The following RBMS3 variants were observed in gnomAD, a reference collection of about 807,000 sequenced individuals.
RBMS3 encodes RNA binding motif single stranded interacting protein 3.
In RBMS3, 27 loss-of-function variants were observed where a neutral mutation model predicts 66.8. The observed-to-expected ratio is 0.40, with a 90% confidence interval of 0.30 to 0.56. The LOEUF is 0.56. Ranked by LOEUF, RBMS3 falls within the 20% of genes least tolerant of loss-of-function variation. RBMS3 has a pLI of 0.40. For missense variants in RBMS3, 513 were observed against 549.5 expected (o/e 0.93, Z 0.66); for synonymous variants, 188 against 183.0 (o/e 1.03, Z -0.22).
At chr3:29,850,939 G>A (rs1334206642) in intron 6 of RBMS3, among the ~76,000 whole-genome samples, 2 of 152,160 alleles carry the variant, frequency 1.3e-5, no homozygotes, top group East Asian at 3.9e-4. Flanking sequence ...TTTTTCCAAA[G>A]AGCTGAGTAC....
chr3:29,806,676 C>T (rs771355958), intron 6 of RBMS3, among the ~76,000 whole-genome samples: 26 of 151,828 alleles, frequency 1.7e-4, no homozygotes, highest in Non-Finnish European at 3.1e-4. Flanking sequence ...TCATAGAATC[C>T]GGCCTATTAT....
At chr3:29,522,076 A>G (rs972884812) in intron 3 of RBMS3, among the ~76,000 whole-genome samples, 1 of 152,246 alleles carries the variant, frequency 6.6e-6, no homozygotes, top group African/African-American at 2.4e-5. Flanking sequence ...AAATGGAAAC[A>G]CATCTAGGCA....
rs11920040 is a variant in RBMS3, at chr3:29,770,065, G to T, written c.637+7076G>T. ...AGGACCTAATTGTAGTTTCTTTAAA[G>T]AACTCATTCTTGAACAGTGCAATGA... On this transcript the variant is annotated intron_variant, in intron 6 of 14. Transcript: ENST00000383767. Among the ~76,000 whole-genome samples, 702 of 151,932 alleles carry T rather than the reference G, an allele frequency of 4.6e-3. 4 individuals carry two copies. The highest frequency in any genetic ancestry group is 0.016 in the African/African-American group (670 of 41,484).
intron 12 of RBMS3, among the ~76,000 whole-genome samples, chr3:29,979,953 T>A (rs1023487100): frequency 6.6e-5 from 10 of 152,218 alleles, no homozygotes; most frequent in African/African-American, 2.4e-4. Flanking sequence ...ATATACCCAG[T>A]AATGGGATTG....
At chr3:29,688,312 A>G (rs945362384) in intron 4 of RBMS3, among the ~76,000 whole-genome samples, 1 of 152,100 alleles carries the variant, frequency 6.6e-6, no homozygotes, top group Non-Finnish European at 1.5e-5. Flanking sequence ...TCCAAAAAAT[A>G]CTTATCGCAA....
chr3:29,527,154 G>A (rs1413942358), intron 3 of RBMS3, among the ~76,000 whole-genome samples: 1 of 129,810 alleles, frequency 7.7e-6, no homozygotes, highest in Non-Finnish European at 1.5e-5. Flanking sequence ...GTGACAATAG[G>A]GTTTCAGACG....
intron 10 of RBMS3, among the ~76,000 whole-genome samples, chr3:29,928,333 ATATAT>A (rs2061007160): frequency 7.7e-6 from 1 of 129,270 alleles, no homozygotes; most frequent in South Asian, 2.8e-4. Flanking sequence ...TTATTATGAA[ATATAT>A]TTGGTGGGTA....
At chr3:29,761,998 A>G (rs1020026710) in intron 5 of RBMS3, among the ~76,000 whole-genome samples, 2 of 152,152 alleles carry the variant, frequency 1.3e-5, no homozygotes, top group Non-Finnish European at 2.9e-5. Context: ...ATAAAATAAA[A>G]AAGGCCAGAT....
intron 6 of RBMS3, among the ~76,000 whole-genome samples, chr3:29,807,625 A>C (rs560175841): frequency 2.8e-4 from 43 of 152,050 alleles, no homozygotes; most frequent in African/African-American, 1.0e-3. Context: ...TGTACAATGC[A>C]GTACTACACA....
intron 6 of RBMS3, among the ~76,000 whole-genome samples, chr3:29,867,494 T>C (rs67914177): frequency 0.11 from 15,099 of 142,836 alleles, 885 homozygotes; most frequent in East Asian, 0.15. Flanking sequence ...GTGGCTGGCA[T>C]TGGATGATCT....
intron 6 of RBMS3, among the ~76,000 whole-genome samples, chr3:29,864,826 G>GGAA (rs748055973): frequency 3.4e-4 from 40 of 117,084 alleles, no homozygotes; most frequent in Non-Finnish European, 4.6e-4. Context: ...AAGGAAGGAA[G>GGAA]GGAAGGGAAG....
intron 12 of RBMS3, among the ~76,000 whole-genome samples, chr3:29,964,515 C>T (rs1054213507): frequency 1.3e-5 from 2 of 152,064 alleles, no homozygotes; most frequent in African/African-American, 4.8e-5. Flanking sequence ...ATTCTCTTCT[C>T]CCGGGCTTTT....
chr3:29,959,126 G>A (rs1696238254), intron 12 of RBMS3, among the ~76,000 whole-genome samples: 1 of 152,090 alleles, frequency 6.6e-6, no homozygotes, highest in Admixed American at 6.6e-5. Context: ...TTAAATCCCA[G>A]CTCTTGCATG....
chr3:29,384,435 T>TAATAATAATAATAAG lies in RBMS3; in HGVS notation c.76-50306_76-50305insTAATAATAATAAGAA, dbSNP rs776357215. Among the ~76,000 whole-genome samples, 295 of 141,096 alleles carry TAATAATAATAATAAG rather than the reference T, an allele frequency of 2.1e-3. 1 individual carries two copies. The highest frequency in any genetic ancestry group is 6.4e-3 in the African/African-American group (239 of 37,346). The allele number at this position is 141,096 out of a possible 152,430, so 92.6% of individuals were successfully genotyped here. Reference sequence around the variant, plus strand: ...TATACACCAATAATAATAATAATAATAAGAAGAAGAAGAAGAAGAAGAAGA... The same window carrying TAATAATAATAATAAG: ...TATACACCAATAATAATAATAATAATAATAATAATAATAAGAAGAAGAAGAAGAAGAAGAAGAAGA... On this transcript the variant is annotated intron_variant, in intron 1 of 14. Coordinates refer to ENST00000383767, the MANE Select transcript of RBMS3 (RefSeq NM_001003793.3).
chr3:29,855,041 T>A (rs1246057905), intron 6 of RBMS3, among the ~76,000 whole-genome samples: 1 of 152,208 alleles, frequency 6.6e-6, no homozygotes, highest in Non-Finnish European at 1.5e-5. Flanking sequence ...GTTTTGTGTC[T>A]TTCCATGGTT....
intron 2 of RBMS3, among the ~76,000 whole-genome samples, chr3:29,482,909 C>T (rs999427530): frequency 1.3e-4 from 19 of 151,272 alleles, no homozygotes; most frequent in Admixed American, 5.3e-4. Context: ...CGTTTCACCA[C>T]GTTGGTCAGG....
chr3:29,863,808 C>T (rs1016441468), intron 6 of RBMS3, among the ~76,000 whole-genome samples: 3 of 152,002 alleles, frequency 2.0e-5, no homozygotes. Context: ...TATATTTGAT[C>T]CTTGGCAATC....
intron 10 of RBMS3, among the ~76,000 whole-genome samples, chr3:29,921,622 C>T (rs2060783405): frequency 6.6e-6 from 1 of 152,054 alleles, no homozygotes. Flanking sequence ...AGAGGGCTCT[C>T]CCTATAATGA....
chr3:29,429,889 G>C (rs1199992900), intron 1 of RBMS3, among the ~76,000 whole-genome samples: 1 of 152,050 alleles, frequency 6.6e-6, no homozygotes, highest in African/African-American at 2.4e-5. Flanking sequence ...AATCAGTAAA[G>C]GGGCTGCTGT....
Sources: gnomAD v4.1 joint callset for allele counts (sites outside exome capture counted in the v4.1 genomes callset) on GRCh38, gnomAD v4.1.1 for gene constraint, MANE v1.5 for transcripts, NCBI Gene and HGNC (gene_info 2026-07-23, HGNC 2026-07-21) for gene names.